Variants in FRMD5 observed in about 807,000 individuals in gnomAD.
FRMD5 encodes FERM domain-containing protein 5.
FRMD5 carries 20 observed loss-of-function variants against 69.0 expected under a neutral mutation model. That is an observed-to-expected ratio of 0.29 (90% confidence interval 0.20 to 0.42). The LOEUF is 0.42. Among genes scored for constraint, FRMD5 ranks in the 10% least tolerant of loss-of-function variants. FRMD5 has a pLI of 1.00. For missense variants in FRMD5, 595 were observed against 708.6 expected (o/e 0.84, Z 1.82); for synonymous variants, 271 against 260.1 (o/e 1.04, Z -0.40).
intron 4 of FRMD5, among the ~76,000 whole-genome samples, chr15:43,912,119 T>C (rs1030480063): frequency 3.3e-5 from 5 of 152,174 alleles, no homozygotes; most frequent in Admixed American, 3.3e-4. Context: ...CCCAGGTGAT[T>C]TGTGTATAGA....
chr15:44,047,348 G>A (rs1165248398), intron 1 of FRMD5, among the ~76,000 whole-genome samples: 4 of 151,358 alleles, frequency 2.6e-5, no homozygotes, highest in Non-Finnish European at 5.9e-5. Context: ...GAGGGGAGAG[G>A]GAAAAAGAAA....
chr15:43,904,147 A>T (rs763007205), intron 6 of FRMD5, among the ~76,000 whole-genome samples: 2 of 152,112 alleles, frequency 1.3e-5, no homozygotes, highest in Non-Finnish European at 2.9e-5. Context: ...TACAAAGGCT[A>T]AGGAGGCTTT....
chr15:44,034,600 C>T (rs1412841344), intron 1 of FRMD5, among the ~76,000 whole-genome samples: 1 of 152,206 alleles, frequency 6.6e-6, no homozygotes, highest in Non-Finnish European at 1.5e-5. Flanking sequence ...GGGTTATGTG[C>T]CCATCTATCT....
At chr15:43,979,351 G>C (rs1050287668) in intron 1 of FRMD5, among the ~76,000 whole-genome samples, 16 of 145,908 alleles carry the variant, frequency 1.1e-4, no homozygotes, top group African/African-American at 4.0e-4. Flanking sequence ...AAAAAAAAAA[G>C]GGTTCAATTT....
At chr15:44,069,963 A>C (rs956383893) in intron 1 of FRMD5, among the ~76,000 whole-genome samples, 2 of 152,200 alleles carry the variant, frequency 1.3e-5, no homozygotes, top group African/African-American at 2.4e-5. Context: ...TCATAAGAGG[A>C]TTATAATAAC....
At chr15:43,930,382 C>T (rs756146505) in intron 1 of FRMD5, among the ~76,000 whole-genome samples, 80 of 152,186 alleles carry the variant, frequency 5.3e-4, no homozygotes, top group Non-Finnish European at 8.7e-4. Flanking sequence ...ATAGCTCACC[C>T]CTACCCAGGT....
intron 1 of FRMD5, among the ~76,000 whole-genome samples, chr15:44,046,850 A>G (rs1892449958): frequency 6.6e-6 from 1 of 152,240 alleles, no homozygotes; most frequent in Non-Finnish European, 1.5e-5. Context: ...CTAGACATCC[A>G]CATAGCCTAA....
chr15:44,098,496 G>A (rs1057479868), intron 1 of FRMD5, among the ~76,000 whole-genome samples: 5 of 146,016 alleles, frequency 3.4e-5, no homozygotes, highest in Non-Finnish European at 5.9e-5. Flanking sequence ...CTGCACTCCA[G>A]CCTGGCGACA....
intron 4 of FRMD5, 52 bp downstream of exon 4, chr15:43,919,407 T>C (rs1217755940): frequency 2.0e-6 from 3 of 1,512,812 alleles, no homozygotes; most frequent in Non-Finnish European, 2.8e-6. Context: ...CATCCCCCTT[T>C]CCTATGCTCT....
intron 1 of FRMD5, among the ~76,000 whole-genome samples, chr15:44,106,420 G>A (rs572995034): frequency 5.9e-5 from 9 of 152,262 alleles, no homozygotes; most frequent in African/African-American, 2.2e-4. Flanking sequence ...CCTGCATGCA[G>A]TAACAGAGGC....
At chr15:43,941,348 T>C (rs571911274) in intron 1 of FRMD5, among the ~76,000 whole-genome samples, 1 of 152,346 alleles carries the variant, frequency 6.6e-6, no homozygotes, top group East Asian at 1.9e-4. Context: ...ACTCCTGGGC[T>C]TATGTGATCC....
chr15:44,180,052 T>A (rs1595562360), intron 1 of FRMD5, among the ~76,000 whole-genome samples: 1 of 97,498 alleles, frequency 1.0e-5, no homozygotes, highest in African/African-American at 3.8e-5. Context: ...CTCCATCTCT[T>A]AAAAAAAAAA....
At chr15:43,952,251 A>G (rs901105771) in intron 1 of FRMD5, among the ~76,000 whole-genome samples, 2 of 152,146 alleles carry the variant, frequency 1.3e-5, no homozygotes. Flanking sequence ...TCCCAAATAC[A>G]TTCTATCAGG....
chr15:44,060,455 C>T (rs1893046009), intron 1 of FRMD5, among the ~76,000 whole-genome samples: 1 of 152,188 alleles, frequency 6.6e-6, no homozygotes, highest in Admixed American at 6.5e-5. Context: ...CAACACAGAA[C>T]ACTGACATTC....
chr15:43,876,241 G>T, intron 13 of FRMD5: 3 of 1,550,576 alleles, frequency 1.9e-6, no homozygotes, highest in Non-Finnish European at 2.6e-6. Flanking sequence ...CCTTTGGGCG[G>T]CATCTTGGAA....
chr15:44,175,193 C>G (rs561389145), intron 1 of FRMD5, among the ~76,000 whole-genome samples: 16 of 152,256 alleles, frequency 1.1e-4, no homozygotes, highest in African/African-American at 3.6e-4. Context: ...TAGAGCCCTT[C>G]TAGGCAGGTT....
intron 1 of FRMD5, among the ~76,000 whole-genome samples, chr15:43,971,852 G>A (rs988905319): frequency 5.4e-5 from 8 of 148,472 alleles, no homozygotes; most frequent in Non-Finnish European, 1.0e-4. Context: ...GATTACAGGC[G>A]CCCGCCACCA....
intron 1 of FRMD5, among the ~76,000 whole-genome samples, chr15:44,071,349 C>T (rs374084020): frequency 1.8e-4 from 27 of 152,222 alleles, no homozygotes; most frequent in African/African-American, 6.5e-4. Flanking sequence ...ATCATCGGAT[C>T]CCAGGAGGTC....
intron 1 of FRMD5, among the ~76,000 whole-genome samples, chr15:44,166,591 C>T (rs974631427): frequency 6.6e-6 from 1 of 151,760 alleles, no homozygotes; most frequent in African/African-American, 2.4e-5. Context: ...TCAAGAACAG[C>T]CTGGTCAATG....
Sources: gnomAD v4.1 joint callset for allele counts (sites outside exome capture counted in the v4.1 genomes callset) on GRCh38, gnomAD v4.1.1 for gene constraint, MANE v1.5 for transcripts, NCBI Gene and HGNC (gene_info 2026-07-23, HGNC 2026-07-21) for gene names.